Variants in NEBL observed in about 807,000 individuals in gnomAD.
NEBL encodes LIM and SH3 protein 2.
In NEBL, 122 loss-of-function variants were observed where a neutral mutation model predicts 140.2. The observed-to-expected ratio is 0.87, with a 90% confidence interval of 0.75 to 1.01. The LOEUF is 1.01. Among genes scored for constraint, NEBL ranks in the 50% least tolerant of loss-of-function variants. The pLI is 0.00. For missense variants in NEBL, 1,365 were observed against 1,231.3 expected (o/e 1.11, Z -1.62); for synonymous variants, 436 against 398.9 (o/e 1.09, Z -1.11).
At chr10:21,076,548 A>T (rs1836099004) in intron 2 of NEBL, among the ~76,000 whole-genome samples, 1 of 151,970 alleles carries the variant, frequency 6.6e-6, no homozygotes, top group Non-Finnish European at 1.5e-5. Context: ...AACTCAAGCA[A>T]ATATTTATAC....
chr10:21,187,633 C>T (rs1008665906), intron 3 of NEBL, among the ~76,000 whole-genome samples: 7 of 152,106 alleles, frequency 4.6e-5, no homozygotes, highest in African/African-American at 1.7e-4. Flanking sequence ...CCCACCTCAG[C>T]CTCCTGAGTA....
chr10:20,968,539 G>A (rs2131632329), intron 3 of NEBL, among the ~76,000 whole-genome samples: 1 of 152,124 alleles, frequency 6.6e-6, no homozygotes, highest in Admixed American at 6.5e-5. Context: ...ACATAAATAT[G>A]GAGGAGGGAG....
intron 2 of NEBL, among the ~76,000 whole-genome samples, chr10:21,118,710 G>A (rs7083378): frequency 0.11 from 16,199 of 152,154 alleles, 911 homozygotes; most frequent in South Asian, 0.14. Context: ...CAGTGAAACA[G>A]AGTCAGTTTT....
chr10:20,805,470 T>C (rs1244088777), intron 26 of NEBL, among the ~76,000 whole-genome samples: 1 of 152,184 alleles, frequency 6.6e-6, no homozygotes, highest in Non-Finnish European at 1.5e-5. Flanking sequence ...ATATCTATTT[T>C]TTAAAATAGG....
intron 26 of NEBL, among the ~76,000 whole-genome samples, chr10:20,799,945 G>A (rs1020106646): frequency 6.6e-6 from 1 of 151,428 alleles, no homozygotes; most frequent in African/African-American, 2.4e-5. Flanking sequence ...GTGTGTGTGT[G>A]TGTGAGACGG....
chr10:21,242,537 C>T (rs1213816022), intron 3 of NEBL, among the ~76,000 whole-genome samples: 4 of 152,184 alleles, frequency 2.6e-5, no homozygotes, highest in South Asian at 2.1e-4. Context: ...CAAAATAATC[C>T]GTACACCAAA....
In NEBL at chr10:21,076,072, T is replaced by C. The variant is rs116838703; in HGVS notation, c.165-55871A>G. On this transcript the variant is annotated intron_variant, in intron 2 of 6. Transcript: ENST00000417816. ...GAGGATGTGGAGAAATTGGAACTTT[T>C]ATGCATTATCAGCGGTAATGTAAAA... 8.7e-3 allele frequency among the ~76,000 whole-genome samples: 1,323 copies of C among 152,234 alleles called. 22 individuals are homozygous for C. Among genetic ancestry groups the C allele is most frequent in the East Asian group, 0.047 (241 of 5,180 alleles).
At chr10:21,153,540 T>A (rs948153416) in intron 2 of NEBL, among the ~76,000 whole-genome samples, 2 of 151,614 alleles carry the variant, frequency 1.3e-5, no homozygotes, top group Non-Finnish European at 2.9e-5. Flanking sequence ...ATATATGTAT[T>A]AATTTTGAGA....
At chr10:21,113,546 G>A (rs891089243) in intron 2 of NEBL, among the ~76,000 whole-genome samples, 1 of 151,998 alleles carries the variant, frequency 6.6e-6, no homozygotes, top group Non-Finnish European at 1.5e-5. Flanking sequence ...ATCTTATTTC[G>A]TTTCTGTAAC....
chr10:20,937,987 TG>T (rs1380209798), intron 4 of NEBL, among the ~76,000 whole-genome samples: 11 of 152,214 alleles, frequency 7.2e-5, no homozygotes, highest in African/African-American at 2.2e-4. Context: ...GAGGCCTGCC[TG>T]CCTCTGTAGA....
intron 3 of NEBL, among the ~76,000 whole-genome samples, 187 bp downstream of exon 3, chr10:20,889,658 A>T (rs1217316057): frequency 6.6e-6 from 1 of 152,234 alleles, no homozygotes; most frequent in African/African-American, 2.4e-5. Flanking sequence ...TGAAGCATAC[A>T]TAGTAAAATC....
At chr10:21,285,041 A>G (rs1843038344) in intron 1 of NEBL, among the ~76,000 whole-genome samples, 1 of 152,184 alleles carries the variant, frequency 6.6e-6, no homozygotes, top group African/African-American at 2.4e-5. Flanking sequence ...AGCCTGAGTG[A>G]CAGAGCAAAA....
At chr10:20,892,296 C>T (rs1847096220) in intron 2 of NEBL, among the ~76,000 whole-genome samples, 1 of 152,216 alleles carries the variant, frequency 6.6e-6, no homozygotes, top group Admixed American at 6.5e-5. Flanking sequence ...GGGAGAGATG[C>T]TGCACAACCC....
intron 2 of NEBL, chr10:21,069,882 T>A: frequency 2.5e-6 from 1 of 405,742 alleles, no homozygotes; most frequent in Non-Finnish European, 4.9e-6. Flanking sequence ...ACAAGTTTTT[T>A]AAAAGAATAA....
At chr10:21,004,153 C>T (rs1838021960) in intron 3 of NEBL, among the ~76,000 whole-genome samples, 1 of 152,128 alleles carries the variant, frequency 6.6e-6, no homozygotes, top group Admixed American at 6.5e-5. Flanking sequence ...TAGCCTTTAA[C>T]TGACCTACAT....
chr10:21,241,824 A>C (rs1479601445), intron 3 of NEBL, among the ~76,000 whole-genome samples: 1 of 152,334 alleles, frequency 6.6e-6, no homozygotes, highest in East Asian at 1.9e-4. Context: ...CACTTTGTAA[A>C]GTCATCAAGT....
At chr10:21,087,683 T>C (rs1033985958) in intron 2 of NEBL, among the ~76,000 whole-genome samples, 1 of 152,222 alleles carries the variant, frequency 6.6e-6, no homozygotes, top group Admixed American at 6.5e-5. Flanking sequence ...GAATTTGGAA[T>C]GTGTGACAAT....
chr10:20,818,112 G>C (rs117106387), intron 20 of NEBL, among the ~76,000 whole-genome samples: 2,032 of 152,238 alleles, frequency 0.013, 23 homozygotes, highest in Non-Finnish European at 0.021. Flanking sequence ...AAAGCTCTCT[G>C]ACTCCTACCA....
intron 2 of NEBL, among the ~76,000 whole-genome samples, chr10:21,093,218 T>C (rs1440941983): frequency 6.7e-6 from 1 of 148,226 alleles, no homozygotes; most frequent in Non-Finnish European, 1.5e-5. Flanking sequence ...TCTTTTCACT[T>C]GGCTGTTTCT....
Sources: gnomAD v4.1 joint callset for allele counts (sites outside exome capture counted in the v4.1 genomes callset) on GRCh38, gnomAD v4.1.1 for gene constraint, MANE v1.5 for transcripts, NCBI Gene and HGNC (gene_info 2026-07-23, HGNC 2026-07-21) for gene names.